The following PALLD variants were observed in gnomAD, a reference collection of about 807,000 sequenced individuals.
The protein encoded by PALLD is palladin, cytoskeletal associated protein.
PALLD carries 61 observed loss-of-function variants against 123.5 expected under a neutral mutation model. That is an observed-to-expected ratio of 0.49 (90% CI 0.40 to 0.61). PALLD has a LOEUF of 0.61. Among genes scored for constraint, PALLD ranks in the 20% least tolerant of loss-of-function variants. The pLI is 0.00. For synonymous variants in PALLD, 465 were observed against 496.4 expected, an observed-to-expected ratio of 0.94 and a Z score of 0.84; for missense variants, 1,273 against 1,377.0, an observed-to-expected ratio of 0.92 and a Z score of 1.20.
At chr4:168,757,741 A>G (rs1205812750) in intron 10 of PALLD, among the ~76,000 whole-genome samples, 1 of 152,238 alleles carries the variant, frequency 6.6e-6, no homozygotes, top group Non-Finnish European at 1.5e-5. Flanking sequence ...AGGTGTCACT[A>G]TACCACTTTA....
At chr4:168,784,042 C>T (rs1736323210) in intron 10 of PALLD, among the ~76,000 whole-genome samples, 1 of 151,936 alleles carries the variant, frequency 6.6e-6, no homozygotes, top group East Asian at 1.9e-4. Context: ...GCCAGGAGTT[C>T]GAGACCAGCC....
intron 2 of PALLD, among the ~76,000 whole-genome samples, chr4:168,653,948 C>G (rs940499837): frequency 6.6e-6 from 1 of 152,000 alleles, no homozygotes; most frequent in East Asian, 1.9e-4. Flanking sequence ...GATCCGCCCA[C>G]CTCGACCTCC....
chr4:168,874,640 T>C (rs1250169984), intron 10 of PALLD, among the ~76,000 whole-genome samples: 1 of 93,466 alleles, frequency 1.1e-5, no homozygotes, highest in Non-Finnish European at 2.2e-5. Flanking sequence ...AAGGAAAATA[T>C]AGCCACAGAT....
intron 10 of PALLD, among the ~76,000 whole-genome samples, chr4:168,741,184 G>A (rs774631942): frequency 1.3e-5 from 2 of 152,136 alleles, no homozygotes; most frequent in Admixed American, 6.5e-5. Context: ...TGGTACTGCT[G>A]TCATGTTTCA....
rs544825912 is a variant in PALLD, at chr4:168,853,974, A to G, written c.1965-36948A>G. On this transcript the variant is annotated intron_variant, in intron 10 of 21. Coordinates refer to ENST00000505667, the MANE Select transcript of PALLD (RefSeq NM_001166108.2). Reference sequence around the variant, plus strand: ...GGATGGTGCCACTGACTAAAGAGGAAGAGAGGATTCCAGTAACAACTAAGC... The same window carrying G: ...GGATGGTGCCACTGACTAAAGAGGAGGAGAGGATTCCAGTAACAACTAAGC... 3.3e-5 allele frequency among the ~76,000 whole-genome samples: 5 copies of G among 152,236 alleles called. No homozygotes were observed. The South Asian group carries it at 8.3e-4, about 25-fold the overall frequency.
intron 10 of PALLD, among the ~76,000 whole-genome samples, chr4:168,716,540 T>C (rs1287921612): frequency 6.6e-6 from 1 of 152,192 alleles, no homozygotes; most frequent in East Asian, 1.9e-4. Context: ...CTTTTCAAAA[T>C]TACTGCATTT....
intron 2 of PALLD, among the ~76,000 whole-genome samples, chr4:168,561,153 A>T (rs979007679): frequency 4.6e-5 from 7 of 152,088 alleles, no homozygotes; most frequent in African/African-American, 1.7e-4. Context: ...AGTCAAGGAT[A>T]AGTCAGTGAA....
At chr4:168,923,328 A>G (rs1761953028) in intron 18 of PALLD, among the ~76,000 whole-genome samples, 1 of 152,208 alleles carries the variant, frequency 6.6e-6, no homozygotes, top group African/African-American at 2.4e-5. Context: ...TAGAATTTTC[A>G]TCCTTTTTGA....
chr4:168,678,993 G>A (rs148245013), intron 3 of PALLD, among the ~76,000 whole-genome samples: 41 of 146,356 alleles, frequency 2.8e-4, no homozygotes, highest in Admixed American at 1.0e-3. Context: ...CGGTGTGTGC[G>A]TGGTGTGGGT....
chr4:168,854,988 AT>A (rs1398128849), intron 10 of PALLD, among the ~76,000 whole-genome samples: 55 of 151,934 alleles, frequency 3.6e-4, no homozygotes, highest in Non-Finnish European at 5.9e-5. Context: ...CATTTTCCTG[AT>A]ATTTGTGGGA....
At chr4:168,571,607 A>C (rs956007952) in intron 2 of PALLD, among the ~76,000 whole-genome samples, 14 of 152,178 alleles carry the variant, frequency 9.2e-5, no homozygotes, top group African/African-American at 3.4e-4. Context: ...AGAATTTGTA[A>C]AACTATAGAA....
At chr4:168,506,273 A>G (rs909059302) in intron 1 of PALLD, 5 of 152,116 alleles carry the variant, frequency 3.3e-5, no homozygotes, top group African/African-American at 1.2e-4. Context: ...AGCTATTTCA[A>G]ATCATCTTCT....
rs1246739715 is a variant in PALLD, at chr4:168,681,385, G to A, written c.1141G>A (p.Gly381Arg). The A allele has an allele frequency of 4.4e-6, 7 of 1,603,682 alleles. No individual in the cohort carries two copies. Among genetic ancestry groups the A allele is most frequent in the Non-Finnish European group, 6.0e-6 (7 of 1,170,984 alleles). ...AAGTTTAGCTTTCAAATCAAGAGCT[G>A]GAGCTATGCCACAGTAAGTGCCTAC... ...SESLAFKSRA[G>R]AMPQAQKKTT... Residue 381 changes from glycine to arginine, a missense_variant, in exon 4 of 22, where the codon GGA becomes AGA. Around this residue, in one of 2 missense-constraint regions of PALLD, gnomAD observed 944 missense variants for 954.5 expected, o/e 0.99. Coordinates refer to ENST00000505667, the MANE Select transcript of PALLD (RefSeq NM_001166108.2).
At chr4:168,690,562 A>G (rs370435251) in intron 6 of PALLD, 41 bp from the exon 7 acceptor site, 50 of 1,613,664 alleles carry the variant, frequency 3.1e-5, no homozygotes, top group Non-Finnish European at 4.1e-5. Flanking sequence ...AAAATGCACC[A>G]AAGTCTGATG....
At chr4:168,749,327 T>C (rs1730719794) in intron 10 of PALLD, among the ~76,000 whole-genome samples, 1 of 151,650 alleles carries the variant, frequency 6.6e-6, no homozygotes, top group African/African-American at 2.4e-5. Context: ...CAGTCTCAGG[T>C]AGTCCTTTAT....
At chr4:168,528,784 A>C (rs2149475934) in intron 2 of PALLD, among the ~76,000 whole-genome samples, 1 of 152,330 alleles carries the variant, frequency 6.6e-6, no homozygotes. Flanking sequence ...ATGGCTCAAA[A>C]CAATTTATTA....
At chr4:168,863,703 C>T (rs955987513) in intron 10 of PALLD, 7 of 152,180 alleles carry the variant, frequency 4.6e-5, no homozygotes, top group Non-Finnish European at 1.0e-4. Flanking sequence ...TTCATTTTGA[C>T]ATTTTTGTAA....
At chr4:168,609,203 G>A (rs1434596445) in intron 2 of PALLD, among the ~76,000 whole-genome samples, 1 of 151,964 alleles carries the variant, frequency 6.6e-6, no homozygotes, top group Non-Finnish European at 1.5e-5. Context: ...TACATTAATA[G>A]GGGTCTATTT....
intron 10 of PALLD, among the ~76,000 whole-genome samples, chr4:168,848,074 G>T (rs1747150919): frequency 6.6e-6 from 1 of 152,078 alleles, no homozygotes; most frequent in African/African-American, 2.4e-5. Context: ...AGCCCAGGGG[G>T]TGCTAAGTTC....
Sources: gnomAD v4.1 joint callset for allele counts (sites outside exome capture counted in the v4.1 genomes callset) on GRCh38, gnomAD v4.1.1 for gene constraint, gnomAD v4.1.1 regional missense constraint, MANE v1.5 for transcripts, NCBI Gene and HGNC (gene_info 2026-07-23, HGNC 2026-07-21) for gene names.